SORCS1: variants seen among roughly 807,000 people sequenced by gnomAD.
SORCS1 encodes the protein sortilin related VPS10 domain containing receptor 1, also known as VPS10 domain-containing receptor SorCS1.
In SORCS1, 60 loss-of-function variants were observed where a neutral mutation model predicts 146.1. The ratio of observed to expected loss-of-function variants is 0.41; its 90% CI spans 0.33 to 0.51. The LOEUF (loss-of-function observed/expected upper bound fraction) is 0.51. SORCS1 is among the 20% of genes least tolerant of loss of function. The pLI, the probability that SORCS1 is intolerant of heterozygous loss-of-function variation, is 0.21. For synonymous variants in SORCS1, 637 were observed against 584.0 expected (o/e 1.09, Z -1.31); for missense variants, 1,352 against 1,487.6 (o/e 0.91, Z 1.50).
At chr10:107,017,218 T>C (rs974144688) in intron 1 of SORCS1, among the ~76,000 whole-genome samples, 21 of 152,254 alleles carry the variant, frequency 1.4e-4, no homozygotes, top group Non-Finnish European at 2.5e-4. Flanking sequence ...TCAGCACTAT[T>C]TGTAGCAACT....
At chr10:106,581,445 A>C (rs982360787) in intron 24 of SORCS1, among the ~76,000 whole-genome samples, 5 of 152,186 alleles carry the variant, frequency 3.3e-5, no homozygotes, top group Admixed American at 2.6e-4. Context: ...TAGCACAAAA[A>C]GCAAATTAAC....
chr10:106,721,491 T>C lies in SORCS1; in HGVS notation c.1024+8559A>G, dbSNP rs149606120. ...GTAGTGACGAAAAACAAATAAAAATTCTCAACCTCACTCCTAATTAAATAA... is the reference window on the plus strand; with the variant it reads ...GTAGTGACGAAAAACAAATAAAAATCCTCAACCTCACTCCTAATTAAATAA... On this transcript the variant is annotated intron_variant, in intron 6 of 25. Transcript: ENST00000263054. Among the ~76,000 whole-genome samples the C allele has an allele frequency of 6.8e-4, 104 of 152,238 alleles. 1 individual carries two copies. In the East Asian group the frequency reaches 0.018, roughly 26 times the overall value.
chr10:107,019,244 G>A (rs1958031409), intron 1 of SORCS1, among the ~76,000 whole-genome samples: 1 of 152,138 alleles, frequency 6.6e-6, no homozygotes, highest in South Asian at 2.1e-4. Context: ...AAAATCAGAT[G>A]TCATAAACAT....
intron 2 of SORCS1, among the ~76,000 whole-genome samples, chr10:106,907,400 T>C (rs1043960128): frequency 6.6e-6 from 1 of 152,148 alleles, no homozygotes; most frequent in East Asian, 1.9e-4. Flanking sequence ...TTCAAATATA[T>C]TGTCATTAAA....
At chr10:107,171,519 T>TTTA in the SORCS1 span, among the ~76,000 whole-genome samples, 13 of 148,672 alleles carry the variant, frequency 8.7e-5, no homozygotes, top group Non-Finnish European at 1.6e-4. Context: ...TCCCCCTTTT[T>TTTA]TTTTTTTTTT....
chr10:106,852,724 T>C (rs1949641191), intron 2 of SORCS1, among the ~76,000 whole-genome samples: 2 of 152,186 alleles, frequency 1.3e-5, no homozygotes. Context: ...TTAAGTTTTG[T>C]TATTTTCCCT....
At chr10:106,872,449 C>G (rs1011717041) in intron 2 of SORCS1, among the ~76,000 whole-genome samples, 3 of 152,148 alleles carry the variant, frequency 2.0e-5, no homozygotes, top group Non-Finnish European at 2.9e-5. Context: ...CCACAATAAG[C>G]CTTGCAGACC....
intron 2 of SORCS1, among the ~76,000 whole-genome samples, chr10:106,897,858 G>A (rs1951547088): frequency 6.6e-6 from 1 of 152,184 alleles, no homozygotes; most frequent in Non-Finnish European, 1.5e-5. Context: ...ACATAAGAAT[G>A]GAACAAACAT....
At chr10:106,915,629 C>G (rs374413093) in intron 2 of SORCS1, among the ~76,000 whole-genome samples, 1 of 152,002 alleles carries the variant, frequency 6.6e-6, no homozygotes, top group African/African-American at 2.4e-5. Context: ...ATCCACATGG[C>G]GATTTCCCAG....
At chr10:107,087,942 G>A (rs1216020106) in intron 1 of SORCS1, among the ~76,000 whole-genome samples, 2 of 152,044 alleles carry the variant, frequency 1.3e-5, no homozygotes, top group Non-Finnish European at 2.9e-5. Context: ...ATTTTGAGAC[G>A]GAGTCTCGCT....
chr10:106,614,739 C>A (rs1470172403), intron 21 of SORCS1, among the ~76,000 whole-genome samples: 1 of 152,154 alleles, frequency 6.6e-6, no homozygotes, highest in South Asian at 2.1e-4. Context: ...ACTTAGCATA[C>A]TAACCAGCAT....
chr10:106,983,374 AT>A (rs982085779), intron 1 of SORCS1, among the ~76,000 whole-genome samples: 11 of 151,796 alleles, frequency 7.2e-5, no homozygotes, highest in Non-Finnish European at 1.5e-4. Flanking sequence ...AGTTGCTTGT[AT>A]TATTTACAGT....
chr10:106,613,307 A>G (rs1330203976), intron 21 of SORCS1, among the ~76,000 whole-genome samples: 1 of 152,168 alleles, frequency 6.6e-6, no homozygotes, highest in Non-Finnish European at 1.5e-5. Flanking sequence ...AGGAAGCCAC[A>G]GGAGTCATGG....
intron 5 of SORCS1, among the ~76,000 whole-genome samples, chr10:106,731,968 T>G (rs2136024760): frequency 6.6e-6 from 1 of 152,036 alleles, no homozygotes; most frequent in East Asian, 1.9e-4. Flanking sequence ...GGTCTGCGGG[T>G]TTTCTGAAGT....
intron 1 of SORCS1, among the ~76,000 whole-genome samples, chr10:107,125,763 T>C (rs1177402369): frequency 1.3e-5 from 2 of 152,222 alleles, no homozygotes; most frequent in Admixed American, 6.5e-5. Context: ...CAGTTCTTTT[T>C]TTCCCCCTCT....
chr10:106,620,208 A>G (rs1365749375), intron 20 of SORCS1: 2 of 466,418 alleles, frequency 4.3e-6, no homozygotes, highest in Non-Finnish European at 7.3e-6. Context: ...ACGTAAACAT[A>G]GAGGAAGGCA....
At position 106,607,217 on chromosome 10, in the gene SORCS1, G is replaced by T. The variant is rs749240362; in HGVS notation, c.3114C>A (p.Pro1038=). The T allele has an allele frequency of 6.2e-7, 1 of 1,613,992 alleles. No individual in the cohort carries two copies. The highest frequency in any genetic ancestry group is 8.5e-7 in the Non-Finnish European group (1 of 1,180,000). The change falls in exon 23 of 26, where the codon CCC becomes CCA. Residue 1038 remains proline, a synonymous_variant. Coordinates refer to ENST00000263054, the MANE Select transcript of SORCS1 (RefSeq NM_052918.5). ...LPTTAELFVL[P]YQDPAGENKR... is the part of the protein sequence containing the mutation. Reference sequence around the variant, plus strand: ...TGTTTTCTCCAGCTGGATCCTGATAGGGTAGGACAAAGAGTTCAGCAGTGG... The same window carrying T: ...TGTTTTCTCCAGCTGGATCCTGATATGGTAGGACAAAGAGTTCAGCAGTGG...
chr10:106,678,674 C>G (rs1852215757), intron 12 of SORCS1, among the ~76,000 whole-genome samples: 1 of 152,148 alleles, frequency 6.6e-6, no homozygotes. Context: ...ATCTAATTTT[C>G]ATTCAGAAGA....
intron 2 of SORCS1, among the ~76,000 whole-genome samples, chr10:106,877,148 G>A: frequency 6.6e-6 from 1 of 152,042 alleles, no homozygotes; most frequent in Non-Finnish European, 1.5e-5. Flanking sequence ...CTTTTCTTTT[G>A]CCACAGCTTG....
Sources: gnomAD v4.1 joint callset for allele counts (sites outside exome capture counted in the v4.1 genomes callset) on GRCh38, gnomAD v4.1.1 for gene constraint, MANE v1.5 for transcripts, NCBI Gene and HGNC (gene_info 2026-07-23, HGNC 2026-07-21) for gene names.